The following SLC22A9 variants were observed in gnomAD, a reference collection of about 807,000 sequenced individuals.
SLC22A9 encodes the protein organic anion transporter 7.
A neutral mutation model predicts 50.1 loss-of-function variants in SLC22A9; 64 were observed. The observed-to-expected ratio is 1.28, with a 90% CI of 1.04 to 1.57. The LOEUF (loss-of-function observed/expected upper bound fraction) is 1.57. Ranked by LOEUF, SLC22A9 falls within the 40% of genes most tolerant of loss-of-function variation. The pLI is 0.00. For missense variants in SLC22A9, 757 were observed against 676.1 expected (o/e 1.12, Z -1.33); for synonymous variants, 261 against 242.5 (o/e 1.08, Z -0.71).
chr11:63,406,385 C>A, intron 6 of SLC22A9, 112 bp from the exon 7 acceptor site: 1 of 870,610 alleles, frequency 1.1e-6, no homozygotes, highest in Non-Finnish European at 1.8e-6. Flanking sequence ...ATGAAATAGA[C>A]CCAGCCTTTA....
chr11:63,371,874 G>T (rs2014365987), intron 2 of SLC22A9, among the ~76,000 whole-genome samples: 1 of 152,104 alleles, frequency 6.6e-6, no homozygotes, highest in Non-Finnish European at 1.5e-5. Flanking sequence ...GACATGGCAG[G>T]GAACAATTAC....
intron 6 of SLC22A9, among the ~76,000 whole-genome samples, chr11:63,404,175 A>G (rs12288190): frequency 0.087 from 13,196 of 152,198 alleles, 1,070 homozygotes; most frequent in African/African-American, 0.22. Flanking sequence ...AAAAGAAAGA[A>G]AAAGGTCATA....
Position 63,400,923 on chromosome 11 carries a change from G to A in SLC22A9, c.1074-5574G>A, listed in dbSNP as rs140319057. Among the ~76,000 whole-genome samples the A allele has an allele frequency of 6.1e-3, 935 of 152,050 alleles. 8 individuals are homozygous for A. Among genetic ancestry groups the A allele is most frequent in the Middle Eastern group, 0.02 (6 of 294 alleles). ...AAAATATATAATCATTTCAACAGAC[G>A]CCAAAAGCATATGATAAAATTCGAA... is the stretch of plus-strand genomic sequence containing the variant. On this transcript the variant is annotated intron_variant, in intron 6 of 9. Transcript: ENST00000279178.
At chr11:63,395,772 C>T (rs753600019) in intron 6 of SLC22A9, among the ~76,000 whole-genome samples, 1 of 152,080 alleles carries the variant, frequency 6.6e-6, no homozygotes, top group African/African-American at 2.4e-5. Flanking sequence ...CTAGAACTCC[C>T]AAGAATATAT....
chr11:63,377,057 A>G (rs2014472973), intron 5 of SLC22A9, among the ~76,000 whole-genome samples: 2 of 152,106 alleles, frequency 1.3e-5, no homozygotes, highest in Non-Finnish European at 2.9e-5. Context: ...ACGAGTTCTT[A>G]GAAATCTACA....
At position 63,369,800 on chromosome 11, in the gene SLC22A9, T is replaced by C. The variant is rs2014315936; in HGVS notation, c.-257T>C. On this transcript the variant is annotated 5_prime_UTR_variant, in exon 1 of 10. Coordinates refer to ENST00000279178, the MANE Select transcript of SLC22A9 (RefSeq NM_080866.3). ...GTAGAATTTTAAACACATTTCATTG[T>C]AAACGACTGGGAGTATCTGAGCAAA... The C allele has an allele frequency of 2.3e-6, 1 of 426,718 alleles. No individual in the cohort carries two copies. The highest frequency in any genetic ancestry group is 4.1e-6 in the Non-Finnish European group (1 of 241,898). 26.4% of individuals were successfully genotyped at this position (426,718 alleles called of 1,614,324 possible).
intron 4 of SLC22A9, 87 bp downstream of exon 4, chr11:63,374,149 T>G: frequency 7.5e-7 from 1 of 1,327,340 alleles, no homozygotes; most frequent in South Asian, 1.6e-5. Context: ...CTTTTTGTTC[T>G]TTGTGTAAAC....
chr11:63,395,726 A>G (rs546644801), intron 6 of SLC22A9, among the ~76,000 whole-genome samples: 28 of 152,294 alleles, frequency 1.8e-4, no homozygotes, highest in African/African-American at 5.8e-4. Context: ...TCCAGAGAAC[A>G]TCAGCTGTGG....
chr11:63,378,715 A>G (rs1326386064), intron 5 of SLC22A9, among the ~76,000 whole-genome samples: 1 of 152,194 alleles, frequency 6.6e-6, no homozygotes, highest in Admixed American at 6.6e-5. Flanking sequence ...TAGCATTTCT[A>G]TACGCTGACA....
intron 6 of SLC22A9, among the ~76,000 whole-genome samples, chr11:63,383,644 T>G (rs1022045343): frequency 1.3e-5 from 2 of 151,850 alleles, no homozygotes; most frequent in African/African-American, 2.4e-5. Context: ...GAAACATGAC[T>G]CAAAAGGGAA....
At position 63,386,354 on chromosome 11, in the gene SLC22A9, G is replaced by A. The variant is rs693285; in HGVS notation, c.1073+4077G>A. 6.4e-3 allele frequency among the ~76,000 whole-genome samples: 945 copies of A among 147,236 alleles called. 12 individuals carry two copies. Among genetic ancestry groups the A allele is most frequent in the African/African-American group, 0.022 (877 of 39,098 alleles). On this transcript the variant is annotated intron_variant, in intron 6 of 9. Coordinates refer to ENST00000279178, the MANE Select transcript of SLC22A9 (RefSeq NM_080866.3). ...AGGAGTCCTTCCTTTTCAATTGTTT[G>A]GAATAGTTTCAGAAGAAATGGTACC... is the stretch of plus-strand genomic sequence containing the variant.
intron 5 of SLC22A9, among the ~76,000 whole-genome samples, chr11:63,381,732 T>C (rs1213120182): frequency 6.6e-6 from 1 of 152,150 alleles, no homozygotes; most frequent in Non-Finnish European, 1.5e-5. Flanking sequence ...ATTTTGCTCC[T>C]TTCTGAGGCA....
chr11:63,401,088 T>C (rs1284054101), intron 6 of SLC22A9, among the ~76,000 whole-genome samples: 1 of 152,018 alleles, frequency 6.6e-6, no homozygotes, highest in Non-Finnish European at 1.5e-5. Context: ...TCTAAGATCA[T>C]GTAGAAGACA....
chr11:63,381,854 T>G (rs2014567575), intron 5 of SLC22A9, among the ~76,000 whole-genome samples: 1 of 152,204 alleles, frequency 6.6e-6, no homozygotes, highest in African/African-American at 2.4e-5. Context: ...TCATTTGGAC[T>G]GTAATCTTTA....
At chr11:63,392,708 T>G (rs1249928592) in intron 6 of SLC22A9, among the ~76,000 whole-genome samples, 3 of 152,114 alleles carry the variant, frequency 2.0e-5, no homozygotes, top group Non-Finnish European at 4.4e-5. Flanking sequence ...AAGTCTCTTT[T>G]TTTGCAACAC....
intron 5 of SLC22A9, among the ~76,000 whole-genome samples, chr11:63,379,416 A>G (rs972196246): frequency 6.6e-6 from 1 of 152,228 alleles, no homozygotes; most frequent in Non-Finnish European, 1.5e-5. Context: ...ATCCTAGAAG[A>G]AAACATAGAA....
intron 6 of SLC22A9, among the ~76,000 whole-genome samples, chr11:63,386,434 C>CTTTTTTTTTTTTTTTTTTTTTTT (rs71065364): frequency 3.0e-5 from 1 of 33,494 alleles, no homozygotes; most frequent in Non-Finnish European, 4.6e-5. Flanking sequence ...TGGACCTGGA[C>CTTTTTTTTTTTTTTTTTTTTTTT]TTTTTTTTTT....
In SLC22A9 at chr11:63,370,100, G is replaced by C. The variant is rs1479128806; in HGVS notation, c.44G>C (p.Arg15Thr). The C allele has an allele frequency of 6.2e-7, 1 of 1,613,934 alleles. No homozygotes were observed. The highest frequency in any genetic ancestry group is 1.3e-5 in the African/African-American group (1 of 75,054). ...DLLGHAGDLW[R>T]FQILQTVFLS... ...CTGGGTCACGCTGGTGACCTGTGGAGATTCCAGATCCTTCAGACTGTTTTT... is the reference window on the plus strand; with the variant it reads ...CTGGGTCACGCTGGTGACCTGTGGACATTCCAGATCCTTCAGACTGTTTTT... Residue 15 changes from arginine to threonine, a missense_variant, in exon 1 of 10, where the codon AGA (arginine) becomes ACA (threonine). Arg to Thr is a moderately conservative substitution (Grantham distance 71). Coordinates refer to ENST00000279178, the MANE Select transcript of SLC22A9 (RefSeq NM_080866.3).
intron 6 of SLC22A9, among the ~76,000 whole-genome samples, chr11:63,403,263 C>T (rs11231454): frequency 0.1 from 15,505 of 152,018 alleles, 1,115 homozygotes; most frequent in African/African-American, 0.17. Context: ...CTCCATAAGA[C>T]GATTGGGGGA....
Sources: gnomAD v4.1 joint callset for allele counts (sites outside exome capture counted in the v4.1 genomes callset) on GRCh38, gnomAD v4.1.1 for gene constraint, MANE v1.5 for transcripts, NCBI Gene and HGNC (gene_info 2026-07-23, HGNC 2026-07-21) for gene names.